TNN: variants seen among roughly 807,000 people sequenced by gnomAD.
TNN encodes tenascin-N.
Under a neutral mutation model 134.4 loss-of-function variants are expected in TNN, and 122 were observed. The ratio of observed to expected loss-of-function variants is 0.91; its 90% CI spans 0.78 to 1.06. TNN has a LOEUF of 1.06. TNN is among the 50% of genes least tolerant of loss of function. The pLI is 0.00. For synonymous variants in TNN, 710 were observed against 670.3 expected, an observed-to-expected ratio of 1.06 and a Z score of -0.91; for missense variants, 1,739 against 1,699.4, an observed-to-expected ratio of 1.02 and a Z score of -0.41.
intron 9 of TNN, among the ~76,000 whole-genome samples, chr1:175,109,072 A>ATTTTTTTTTTTTTTTTTTTTTTTTTTTTT (rs1160268455): frequency 1.6e-5 from 1 of 61,982 alleles, no homozygotes; most frequent in Non-Finnish European, 3.2e-5. Flanking sequence ...ATCTAACTGT[A>ATTTTTTTTTTTTTTTTTTTTTTTTTTTTT]TTTTTTTTTT....
chr1:175,112,786 T>A (rs1675067648), intron 9 of TNN, among the ~76,000 whole-genome samples: 1 of 143,910 alleles, frequency 6.9e-6, no homozygotes, highest in African/African-American at 2.9e-5. Context: ...TCTGGCTAAT[T>A]TTTTTTTGTA....
chr1:175,078,222 G>T (rs1475837500), intron 2 of TNN, among the ~76,000 whole-genome samples: 1 of 152,186 alleles, frequency 6.6e-6, no homozygotes, highest in African/African-American at 2.4e-5. Flanking sequence ...CTTTTTAGCT[G>T]TGTGACTTTG....
intron 11 of TNN, among the ~76,000 whole-genome samples, chr1:175,122,761 A>C (rs1186616547): frequency 6.6e-6 from 1 of 152,206 alleles, no homozygotes; most frequent in Non-Finnish European, 1.5e-5. Context: ...CTGTCAGTTT[A>C]AGGTTGCAGA....
chr1:175,143,053 A>T (rs886286558), intron 17 of TNN, among the ~76,000 whole-genome samples: 2 of 152,206 alleles, frequency 1.3e-5, no homozygotes, highest in African/African-American at 4.8e-5. Context: ...GCATAGGTGG[A>T]TTGGTGTCTC....
intron 1 of TNN, among the ~76,000 whole-genome samples, chr1:175,070,374 G>T (rs1230470685): frequency 6.6e-6 from 1 of 152,198 alleles, no homozygotes; most frequent in Non-Finnish European, 1.5e-5. Context: ...GAGTGCTGAG[G>T]CTGGGTCAGG....
In TNN at chr1:175,135,865, T is replaced by G; in HGVS notation, c.3351T>G (p.Thr1117=). Reference sequence around the variant, plus strand: ...CTCAGGTCTTCCAGAGGCGGAACACTGGGCAGCTGGATTTCTTCAAGCGAT... The same window carrying G: ...CTCAGGTCTTCCAGAGGCGGAACACGGGGCAGCTGGATTTCTTCAAGCGAT... The part of the protein sequence containing the change: ...GGWIVFQRRN[T]GQLDFFKRWR... The change falls in exon 16 of 19, where the codon ACT becomes ACG. Residue 1117 remains threonine, a synonymous_variant. Coordinates refer to ENST00000239462, the MANE Select transcript of TNN (RefSeq NM_022093.2). The G allele has an allele frequency of 1.2e-6, 2 of 1,613,894 alleles. No homozygotes were observed. The highest frequency in any genetic ancestry group is 1.7e-6 in the Non-Finnish European group (2 of 1,179,854).
In TNN at chr1:175,104,119, A is replaced by G. The variant is rs995484449; in HGVS notation, c.2119+5524A>G. 1.6e-4 allele frequency among the ~76,000 whole-genome samples: 23 copies of G among 146,096 alleles called. 1 individual carries two copies. The highest frequency in any genetic ancestry group is 5.4e-4 in the African/African-American group (22 of 40,546). On this transcript the variant is annotated intron_variant, in intron 9 of 18. Transcript: ENST00000239462. ...CATGTGAAAAGAGCAAAGTCTCCCA[A>G]TTACAACTGAGGAGGTGGGAGAAAT...
chr1:175,086,892 G>A lies in TNN; in HGVS notation c.1324+1398G>A, dbSNP rs545627696. 2.4e-4 allele frequency among the ~76,000 whole-genome samples: 37 copies of A among 152,312 alleles called. No individual in the cohort carries two copies. In the South Asian group the frequency reaches 6.0e-3, roughly 25 times the overall value. On this transcript the variant is annotated intron_variant, in intron 6 of 18. Transcript: ENST00000239462. The stretch of plus-strand genomic sequence containing the variant: ...TGTGAATTAATTGAGAGCTTACTGA[G>A]TGCCAGGCATTATAATCACTAAGCA...
chr1:175,118,384 C>G (rs1005395947), intron 10 of TNN, among the ~76,000 whole-genome samples, 177 bp from the exon 11 acceptor site: 18 of 151,992 alleles, frequency 1.2e-4, no homozygotes, highest in African/African-American at 3.6e-4. Flanking sequence ...ACTTGAGGAG[C>G]CAGGTATATC....
At chr1:175,074,846 T>G (rs1674001529) in intron 1 of TNN, among the ~76,000 whole-genome samples, 1 of 152,260 alleles carries the variant, frequency 6.6e-6, no homozygotes, top group South Asian at 2.1e-4. Context: ...ATTTGTCATT[T>G]GTATCAGAAT....
rs149393584 is a variant in TNN, at chr1:175,144,228, TC to T, written c.3596-156del. 9.9e-3 allele frequency among the ~76,000 whole-genome samples: 1,504 copies of T among 152,302 alleles called. 12 individuals are homozygous for T. The highest frequency in any genetic ancestry group is 0.035 in the African/African-American group (1,437 of 41,554). On this transcript the variant is annotated intron_variant, in intron 17 of 18. Transcript: ENST00000239462. ...GACAGCTTGTTCCCATGTGTCATGT[TC>T]CCATTTGGGCTGTTTTGAGAGAGCG...
In TNN at chr1:175,102,912, C is replaced by T. The variant is rs1164257634; in HGVS notation, c.2119+4317C>T. Among the ~76,000 whole-genome samples, 3 of 146,016 alleles carry T rather than the reference C, an allele frequency of 2.1e-5. 1 individual carries two copies. The highest frequency in any genetic ancestry group is 3.0e-5 in the Non-Finnish European group (2 of 65,718). ...CCCCAACTGCTGTTGGCAATTTGGC[C>T]GATGACCACTCTAGCTACTTCCTGC... On this transcript the variant is annotated intron_variant, in intron 9 of 18. Transcript: ENST00000239462.
rs748060424 is a variant in TNN, at chr1:175,079,437, C to T, written c.514C>T (p.Pro172Ser). ...EGPACERLAC[P>S]GACSGHGRCV... ...CCCCGCCTGCGAGCGGCTGGCCTGC[C>T]CCGGGGCGTGCAGCGGCCACGGGCG... Residue 172 changes from proline to serine, a missense_variant, in exon 3 of 19, where the codon CCC (proline) becomes TCC (serine). Physicochemically the swap from Pro to Ser is moderately conservative, Grantham distance 74. Coordinates refer to ENST00000239462, the MANE Select transcript of TNN (RefSeq NM_022093.2). The T allele has an allele frequency of 3.9e-5, 61 of 1,581,964 alleles. No individual in the cohort carries two copies. Among genetic ancestry groups the T allele is most frequent in the Admixed American group, 5.3e-5 (3 of 56,436 alleles).
intron 1 of TNN, among the ~76,000 whole-genome samples, chr1:175,077,007 G>C (rs1674056452): frequency 6.6e-6 from 1 of 152,220 alleles, no homozygotes; most frequent in East Asian, 1.9e-4. Context: ...TCATATTGTT[G>C]ATGTTGTTAA....
chr1:175,107,084 A>T (rs550407508), intron 9 of TNN, among the ~76,000 whole-genome samples: 1 of 146,482 alleles, frequency 6.8e-6, no homozygotes, highest in South Asian at 2.3e-4. Flanking sequence ...GATATGCGAA[A>T]GTCCCTTCGT....
At chr1:175,127,113 G>T (rs1397671335) in intron 13 of TNN, 28 bp downstream of exon 13, 1 of 1,606,218 alleles carries the variant, frequency 6.2e-7, no homozygotes. Flanking sequence ...CTTTTCTCCT[G>T]GTGCCTTCTC....
intron 9 of TNN, among the ~76,000 whole-genome samples, chr1:175,110,106 G>C (rs374104469): frequency 2.6e-4 from 40 of 152,256 alleles, no homozygotes; most frequent in African/African-American, 9.6e-4. Flanking sequence ...CTGATGATTA[G>C]TGATGTTGAA....
chr1:175,127,132 G>A, intron 13 of TNN, 47 bp downstream of exon 13: 1 of 1,594,484 alleles, frequency 6.3e-7, no homozygotes, highest in Non-Finnish European at 8.5e-7. Flanking sequence ...TCTTCTGTGT[G>A]AAGCAACTAA....
rs1674141559 is a variant in TNN at position 175,079,529 on chromosome 1, C to T, written c.606C>T (p.Cys202=). ...YVGADCGYPA[C]PENCSGHGEC... ...GTGCCGACTGCGGCTACCCGGCCTGCCCTGAGAACTGCAGCGGACACGGCG... is the reference window on the plus strand; with the variant it reads ...GTGCCGACTGCGGCTACCCGGCCTGTCCTGAGAACTGCAGCGGACACGGCG... Residue 202 remains cysteine (C), a synonymous_variant, in exon 3 of 19, where the codon TGC becomes TGT. Transcript: ENST00000239462. The T allele has an allele frequency of 2.6e-6, 4 of 1,565,626 alleles. No individual in the cohort carries two copies. Among genetic ancestry groups the T allele is most frequent in the Non-Finnish European group, 3.5e-6 (4 of 1,156,452 alleles).
Sources: allele counts gnomAD v4.1 joint callset (sites outside exome capture counted in the v4.1 genomes callset), GRCh38; gene constraint gnomAD v4.1.1; transcripts MANE v1.5; gene names NCBI Gene and HGNC (gene_info 2026-07-23, HGNC 2026-07-21).